The following PLD5 variants were observed in gnomAD, a reference collection of about 807,000 sequenced individuals.
PLD5 encodes inactive phospholipase D5.
A neutral mutation model predicts 61.1 loss-of-function variants in PLD5; 36 were observed. The observed-to-expected ratio is 0.59, with a 90% CI of 0.45 to 0.78. The LOEUF (loss-of-function observed/expected upper bound fraction) is 0.78. Among genes scored for constraint, PLD5 ranks in the 30% least tolerant of loss-of-function variants. PLD5 has a pLI of 0.00. For synonymous variants in PLD5, 243 were observed against 242.8 expected (o/e 1.00, Z -0.01); for missense variants, 515 against 644.4 (o/e 0.80, Z 2.17).
chr1:242,310,923 T>G (rs1396919610), intron 2 of PLD5, among the ~76,000 whole-genome samples: 4 of 152,218 alleles, frequency 2.6e-5, no homozygotes, highest in Non-Finnish European at 5.9e-5. Flanking sequence ...CTTTATTTAC[T>G]GAAGTGATCC....
chr1:242,504,021 A>C (rs1242022973), intron 1 of PLD5, among the ~76,000 whole-genome samples: 1 of 152,216 alleles, frequency 6.6e-6, no homozygotes, highest in Non-Finnish European at 1.5e-5. Flanking sequence ...AGTGACACAG[A>C]CTAACCAAAT....
At chr1:242,276,031 A>G (rs4081962) in intron 3 of PLD5, among the ~76,000 whole-genome samples, 3,328 of 152,218 alleles carry the variant, frequency 0.022, 122 homozygotes, top group African/African-American at 0.076. Context: ...GGAAGTATCA[A>G]TTGCAATGAA....
At chr1:242,099,064 G>A (rs538811685) in intron 9 of PLD5, among the ~76,000 whole-genome samples, 5 of 152,138 alleles carry the variant, frequency 3.3e-5, no homozygotes, top group Non-Finnish European at 7.4e-5. Context: ...TGTGCTGGGA[G>A]AACCACCACT....
rs143152286 is a variant in PLD5 at position 242,160,071 on chromosome 1, A to G, written c.736-35406T>C. Reference sequence around the variant, plus strand: ...TTGTCACCCAGGCTGAAATGCAGTGACACAGTCATGGTTCACTGCAGCCTC... The same window carrying G: ...TTGTCACCCAGGCTGAAATGCAGTGGCACAGTCATGGTTCACTGCAGCCTC... On this transcript the variant is annotated intron_variant, in intron 5 of 9. Transcript: ENST00000536534. Among the ~76,000 whole-genome samples the G allele has an allele frequency of 8.6e-3, 1,310 of 152,012 alleles. 27 individuals carry two copies. Among genetic ancestry groups the G allele is most frequent in the African/African-American group, 0.03 (1,247 of 41,440 alleles).
intron 3 of PLD5, among the ~76,000 whole-genome samples, chr1:242,284,779 T>C (rs1224686406): frequency 4.6e-5 from 7 of 152,288 alleles, no homozygotes; most frequent in Non-Finnish European, 7.4e-5. Context: ...CCACAGGACA[T>C]GGCCAGGGAC....
intron 6 of PLD5, among the ~76,000 whole-genome samples, chr1:242,123,464 C>T (rs931482473): frequency 1.3e-5 from 2 of 152,166 alleles, no homozygotes; most frequent in South Asian, 2.1e-4. Flanking sequence ...GACATCCCAT[C>T]GCAGAGCACA....
At chr1:242,100,805 G>T in intron 8 of PLD5, 23 bp from the exon 9 acceptor site, 1 of 1,482,250 alleles carries the variant, frequency 6.7e-7, no homozygotes. Context: ...AAAAAAGGGG[G>T]CAGGTAAATA....
At chr1:242,121,945 G>A (rs1222839922) in intron 6 of PLD5, among the ~76,000 whole-genome samples, 2 of 128,234 alleles carry the variant, frequency 1.6e-5, no homozygotes, top group Non-Finnish European at 3.3e-5. Context: ...CTGTCATGGG[G>A]TGGGGGGAGG....
chr1:242,142,072 G>A (rs1254285634), intron 5 of PLD5, among the ~76,000 whole-genome samples: 1 of 152,184 alleles, frequency 6.6e-6, no homozygotes, highest in Non-Finnish European at 1.5e-5. Flanking sequence ...AAGGACAGCA[G>A]CATATTCCTT....
At chr1:242,269,570 G>A (rs1164448435) in intron 3 of PLD5, among the ~76,000 whole-genome samples, 2 of 151,248 alleles carry the variant, frequency 1.3e-5, no homozygotes, top group African/African-American at 2.4e-5. Flanking sequence ...TACACACAAA[G>A]TTTTAATTAC....
chr1:242,272,312 CA>C (rs1036265834), intron 3 of PLD5, among the ~76,000 whole-genome samples: 176 of 152,080 alleles, frequency 1.2e-3, no homozygotes, highest in African/African-American at 4.1e-3. Flanking sequence ...TGTAATACTT[CA>C]AAATATATTT....
At chr1:242,219,446 C>T (rs1670425905) in intron 5 of PLD5, among the ~76,000 whole-genome samples, 1 of 152,106 alleles carries the variant, frequency 6.6e-6, no homozygotes, top group Admixed American at 6.5e-5. Context: ...CGCTGGATGA[C>T]TAATGGAAAG....
intron 1 of PLD5, among the ~76,000 whole-genome samples, chr1:242,411,171 T>C (rs998806053): frequency 2.6e-5 from 4 of 152,198 alleles, no homozygotes; most frequent in African/African-American, 9.6e-5. Context: ...CTAATTGATA[T>C]ATGAGCTCAC....
intron 2 of PLD5, among the ~76,000 whole-genome samples, chr1:242,339,089 G>A (rs562459935): frequency 3.3e-5 from 5 of 151,448 alleles, no homozygotes; most frequent in African/African-American, 7.3e-5. Flanking sequence ...CATAATTCTC[G>A]GTTTGATCTA....
intron 4 of PLD5, among the ~76,000 whole-genome samples, chr1:242,247,022 C>T (rs188664369): frequency 2.7e-5 from 4 of 147,320 alleles, no homozygotes; most frequent in African/African-American, 7.7e-5. Flanking sequence ...TTCGCTCTGT[C>T]GCCCAGGCTG....
intron 1 of PLD5, among the ~76,000 whole-genome samples, chr1:242,364,220 C>T (rs1661219378): frequency 6.6e-6 from 1 of 152,010 alleles, no homozygotes. Context: ...TTTGAAACCC[C>T]TTTCTCATTA....
At chr1:242,219,053 T>A (rs1670397539) in intron 5 of PLD5, among the ~76,000 whole-genome samples, 1 of 152,226 alleles carries the variant, frequency 6.6e-6, no homozygotes, top group East Asian at 1.9e-4. Flanking sequence ...TCACAAACTA[T>A]AAAGCTGATA....
intron 1 of PLD5, among the ~76,000 whole-genome samples, chr1:242,354,753 T>A (rs1013818468): frequency 6.6e-6 from 1 of 152,010 alleles, no homozygotes; most frequent in Non-Finnish European, 1.5e-5. Flanking sequence ...GAGTATAATG[T>A]TATCTGTGAG....
chr1:242,397,591 A>G (rs1403652676), intron 1 of PLD5, among the ~76,000 whole-genome samples: 4 of 152,078 alleles, frequency 2.6e-5, no homozygotes, highest in African/African-American at 9.7e-5. Context: ...TTCAATAGGG[A>G]TAAGAGAAAA....
Sources: gnomAD v4.1 joint callset for allele counts (sites outside exome capture counted in the v4.1 genomes callset) on GRCh38, gnomAD v4.1.1 for gene constraint, MANE v1.5 for transcripts, NCBI Gene and HGNC (gene_info 2026-07-23, HGNC 2026-07-21) for gene names.